Variants in ZNF93 observed in about 807,000 individuals in gnomAD.
ZNF93 encodes the protein zinc finger protein 505.
A neutral mutation model predicts 45.0 loss-of-function variants in ZNF93; 29 were observed. The ratio of observed to expected loss-of-function variants is 0.64; its 90% CI spans 0.48 to 0.88. ZNF93 has a LOEUF of 0.88. Ranked by LOEUF, ZNF93 falls within the 40% of genes least tolerant of loss-of-function variation. The pLI is 0.00. For synonymous variants in ZNF93, 223 were observed against 244.6 expected, an observed-to-expected ratio of 0.91 and a Z score of 0.82; for missense variants, 578 against 724.0, an observed-to-expected ratio of 0.80 and a Z score of 2.31.
intron 3 of ZNF93, among the ~76,000 whole-genome samples, chr19:19,927,940 G>GT (rs1175283661): frequency 1.3e-5 from 2 of 152,148 alleles, no homozygotes; most frequent in Non-Finnish European, 2.9e-5. Flanking sequence ...TAGAGATGGT[G>GT]TTTTACCATG....
intron 3 of ZNF93, among the ~76,000 whole-genome samples, chr19:19,930,797 C>T (rs922446078): frequency 3.3e-5 from 5 of 152,218 alleles, no homozygotes; most frequent in African/African-American, 1.2e-4. Context: ...CATATATAAT[C>T]ATATCTAAGA....
At chr19:19,901,115 C>G in intron 1 of ZNF93, 24 bp downstream of exon 1, 1 of 1,613,380 alleles carries the variant, frequency 6.2e-7, no homozygotes, top group Non-Finnish European at 8.5e-7. Context: ...TCCGACATCC[C>G]AAGCGACGGG....
chr19:19,920,484 C>T (rs1039150881), intron 3 of ZNF93, among the ~76,000 whole-genome samples: 2 of 152,106 alleles, frequency 1.3e-5, no homozygotes, highest in Admixed American at 1.3e-4. Context: ...GGGAGGATTC[C>T]CTCTTTTTCT....
chr19:19,933,378 G>A lies in ZNF93; in HGVS notation c.423G>A (p.Gln141=), dbSNP rs781204504. ...NGLNQCSTTT[Q]SKVFQCDKYG... ...TTAACCAGTGTAGTACAACTACCCA[G>A]AGCAAAGTATTTCAATGTGATAAAT... The change falls in exon 4 of 4, where the codon CAG becomes CAA. Residue 141 remains glutamine, a synonymous_variant. Coordinates refer to ENST00000343769, the MANE Select transcript of ZNF93 (RefSeq NM_031218.4). 6.2e-7 allele frequency: 1 copy of A among 1,603,776 alleles called. No individual in the cohort carries two copies. The highest frequency in any genetic ancestry group is 8.5e-7 in the Non-Finnish European group (1 of 1,176,494).
chr19:19,919,479 A>C (rs1014078442), intron 3 of ZNF93, among the ~76,000 whole-genome samples: 1 of 152,072 alleles, frequency 6.6e-6, no homozygotes, highest in South Asian at 2.1e-4. Flanking sequence ...GTTTTTTCCA[A>C]TTCTGTGAAG....
intron 3 of ZNF93, among the ~76,000 whole-genome samples, chr19:19,921,975 A>T (rs1336040015): frequency 1.3e-5 from 2 of 152,110 alleles, no homozygotes; most frequent in African/African-American, 4.8e-5. Flanking sequence ...TGTGAGTTTG[A>T]TCCTGTCATT....
intron 3 of ZNF93, among the ~76,000 whole-genome samples, chr19:19,918,897 T>C (rs1438864404): frequency 6.6e-6 from 1 of 152,084 alleles, no homozygotes; most frequent in Non-Finnish European, 1.5e-5. Flanking sequence ...TCCCATTCTG[T>C]AGGTTGCCTG....
At chr19:19,922,841 A>G (rs57706289) in intron 3 of ZNF93, among the ~76,000 whole-genome samples, 11,856 of 152,142 alleles carry the variant, frequency 0.078, 972 homozygotes, top group African/African-American at 0.21. Flanking sequence ...CCATTCGTCT[A>G]ATCTTTTTTC....
intron 1 of ZNF93, chr19:19,914,721 T>C (rs188690778): frequency 1.5e-5 from 5 of 327,026 alleles, no homozygotes; most frequent in African/African-American, 2.3e-5. Context: ...AAGGCTGTTA[T>C]CTTTGTTTAC....
Position 19,915,328 on chromosome 19 carries a change from T to A in ZNF93, c.52T>A (p.Trp18Arg), listed in dbSNP as rs761129226. Residue 18 changes from tryptophan (W) to arginine (R), a missense_variant, in exon 2 of 4, where the codon TGG becomes AGG. Trp to Arg is a moderately radical substitution (Grantham distance 101). This residue lies in a region of ZNF93 where 446 missense variants were observed against 547.6 expected (regional missense o/e 0.81). Coordinates refer to ENST00000343769, the MANE Select transcript of ZNF93 (RefSeq NM_031218.4). Reference protein sequence around the residue: ...DVAIEFSLEEWHCLDTAQRNL... With the variant: ...DVAIEFSLEERHCLDTAQRNL... ...GGCCATAGAATTCTCTCTGGAGGAG[T>A]GGCATTGCCTGGACACTGCACAGCG... 8.1e-6 allele frequency: 13 copies of A among 1,614,010 alleles called. No homozygotes were observed. Among genetic ancestry groups the A allele is most frequent in the African/African-American group, 1.3e-5 (1 of 74,994 alleles).
At chr19:19,909,788 G>C (rs1188186592) in intron 1 of ZNF93, among the ~76,000 whole-genome samples, 3 of 152,208 alleles carry the variant, frequency 2.0e-5, no homozygotes, top group Non-Finnish European at 4.4e-5. Flanking sequence ...AGAATTTACT[G>C]TAGAGGGGAC....
In ZNF93 at chr19:19,935,122, G is replaced by T; in HGVS notation, c.*304G>T. ...AGTTAACCTGAGGAAATGCTCTCTGGTACTCACTGAAAGCCACACTCATCC... is the reference window on the plus strand; with the variant it reads ...AGTTAACCTGAGGAAATGCTCTCTGTTACTCACTGAAAGCCACACTCATCC... On this transcript the variant is annotated 3_prime_UTR_variant, in exon 4 of 4. Transcript: ENST00000343769. 1 of 326,040 alleles carries T rather than the reference G, an allele frequency of 3.1e-6. No individual in the cohort carries two copies. The highest frequency in any genetic ancestry group is 5.6e-6 in the Non-Finnish European group (1 of 179,194). The allele number at this position is 326,040 out of a possible 1,614,324, so 20.2% of individuals were successfully genotyped here. A position where few individuals can be genotyped will look rare whatever the true frequency, so the allele number is the denominator to read the frequency against.
At chr19:19,917,245 A>G (rs2063326945) in intron 3 of ZNF93, among the ~76,000 whole-genome samples, 1 of 151,944 alleles carries the variant, frequency 6.6e-6, no homozygotes, top group Non-Finnish European at 1.5e-5. Context: ...ATTTTCCATT[A>G]CTGTGAAAAA....
intron 1 of ZNF93, among the ~76,000 whole-genome samples, chr19:19,905,204 T>C (rs1287499995): frequency 7.0e-6 from 1 of 143,376 alleles, no homozygotes; most frequent in Non-Finnish European, 1.5e-5. Context: ...CACTCAGGGA[T>C]TTTTTTTTTT....
At chr19:19,916,423 A>G (rs1030646133) in intron 2 of ZNF93, 137 bp from the exon 3 acceptor site, 1 of 708,226 alleles carries the variant, frequency 1.4e-6, no homozygotes, top group Non-Finnish European at 2.3e-6. Flanking sequence ...TTAAATATCT[A>G]TAAATTTCTG....
chr19:19,925,126 C>T (rs1310704697), intron 3 of ZNF93, among the ~76,000 whole-genome samples: 2 of 152,314 alleles, frequency 1.3e-5, no homozygotes, highest in Middle Eastern at 3.4e-3. Flanking sequence ...CTCAGTGAGA[C>T]CAAGTTGGCT....
chr19:19,916,554 A>G lies in ZNF93; in HGVS notation c.131-6A>G, dbSNP rs1284191003. The G allele has an allele frequency of 1.9e-6, 3 of 1,610,842 alleles. No individual in the cohort carries two copies. On this transcript the variant is annotated splice_polypyrimidine_tract_variant and splice_region_variant and intron_variant, in intron 2 of 3. Coordinates refer to ENST00000343769, the MANE Select transcript of ZNF93 (RefSeq NM_031218.4). Reference sequence around the variant, plus strand: ...AGATTCATGTTATTTATTCTTAACAAAACAGGTATTGTTGTCTCTAAGCCA... The same window carrying G: ...AGATTCATGTTATTTATTCTTAACAGAACAGGTATTGTTGTCTCTAAGCCA...
intron 1 of ZNF93, among the ~76,000 whole-genome samples, chr19:19,910,367 A>C (rs2063304393): frequency 1.3e-5 from 2 of 152,192 alleles, no homozygotes; most frequent in South Asian, 4.1e-4. Context: ...AGTAATTATA[A>C]ATTAAACTAA....
intron 3 of ZNF93, among the ~76,000 whole-genome samples, chr19:19,918,005 G>A (rs1330100645): frequency 6.8e-6 from 1 of 146,970 alleles, no homozygotes; most frequent in Non-Finnish European, 1.5e-5. Flanking sequence ...CATCGTGCAG[G>A]TTTGTTACAC....
Sources: gnomAD v4.1 joint callset for allele counts (sites outside exome capture counted in the v4.1 genomes callset) on GRCh38, gnomAD v4.1.1 for gene constraint, gnomAD v4.1.1 regional missense constraint, MANE v1.5 for transcripts, NCBI Gene and HGNC (gene_info 2026-07-23, HGNC 2026-07-21) for gene names.